RALYL: variants seen among roughly 807,000 people sequenced by gnomAD.
The protein encoded by RALYL is RALY RNA binding protein like.
RALYL carries 29 observed loss-of-function variants against 35.1 expected under a neutral mutation model. The observed-to-expected ratio is 0.83, with a 90% CI of 0.61 to 1.13. RALYL has a LOEUF of 1.13. Among genes scored for constraint, RALYL ranks in the 50% most tolerant of loss-of-function variants. The pLI is 0.00. For missense variants in RALYL, 359 were observed against 360.4 expected (o/e 1.00, Z 0.03); for synonymous variants, 120 against 127.6 (o/e 0.94, Z 0.40).
chr8:84,223,376 C>T (rs1474206472), intron 1 of RALYL, among the ~76,000 whole-genome samples: 3 of 152,060 alleles, frequency 2.0e-5, no homozygotes, highest in Non-Finnish European at 2.9e-5. Flanking sequence ...TCAGACTGAT[C>T]ACCTGGCATG....
chr8:84,839,976 A>G (rs575876505), intron 4 of RALYL, among the ~76,000 whole-genome samples: 7 of 152,322 alleles, frequency 4.6e-5, no homozygotes, highest in African/African-American at 1.7e-4. Flanking sequence ...GTACGTCACC[A>G]TCATCAAAGA....
intron 2 of RALYL, among the ~76,000 whole-genome samples, chr8:84,546,017 C>A (rs984925646): frequency 2.0e-5 from 3 of 152,050 alleles, no homozygotes; most frequent in Non-Finnish European, 4.4e-5. Context: ...CTAACATTTC[C>A]ACATTAAAAT....
At chr8:84,279,191 A>G (rs1836028204) in intron 1 of RALYL, among the ~76,000 whole-genome samples, 1 of 152,148 alleles carries the variant, frequency 6.6e-6, no homozygotes, top group African/African-American at 2.4e-5. Flanking sequence ...TACTACCACA[A>G]GAACAGTATG....
intron 1 of RALYL, among the ~76,000 whole-genome samples, chr8:84,341,779 A>G (rs919321457): frequency 2.6e-5 from 4 of 151,976 alleles, no homozygotes; most frequent in African/African-American, 9.7e-5. Flanking sequence ...AGCTGTAAAG[A>G]TAACCATTGT....
At chr8:84,508,250 C>G (rs758148818) in intron 1 of RALYL, among the ~76,000 whole-genome samples, 2 of 152,094 alleles carry the variant, frequency 1.3e-5, no homozygotes, top group African/African-American at 2.4e-5. Context: ...ACTCATCCCC[C>G]TCAAGTGCTT....
At chr8:84,383,612 G>A (rs1017048468) in intron 1 of RALYL, among the ~76,000 whole-genome samples, 10 of 151,692 alleles carry the variant, frequency 6.6e-5, no homozygotes, top group South Asian at 2.1e-4. Flanking sequence ...TGACTGTGAA[G>A]AAAAGATTGC....
At chr8:84,770,719 G>T (rs971395208) in intron 2 of RALYL, among the ~76,000 whole-genome samples, 8 of 152,016 alleles carry the variant, frequency 5.3e-5, no homozygotes, top group Middle Eastern at 6.8e-3. Context: ...ATTATTTTTT[G>T]ATTTTTTTAT....
chr8:84,720,671 G>A (rs1564430161), intron 2 of RALYL, among the ~76,000 whole-genome samples: 2 of 152,060 alleles, frequency 1.3e-5, no homozygotes, highest in Admixed American at 6.6e-5. Flanking sequence ...CTTCTGCACA[G>A]CAAAGGAAAC....
At chr8:84,755,998 T>G (rs1811308352) in intron 2 of RALYL, among the ~76,000 whole-genome samples, 1 of 152,026 alleles carries the variant, frequency 6.6e-6, no homozygotes, top group African/African-American at 2.4e-5. Context: ...TCCAAAAAGG[T>G]TTACAGAAAA....
At chr8:84,663,004 C>T (rs1420398412) in intron 2 of RALYL, among the ~76,000 whole-genome samples, 1 of 152,006 alleles carries the variant, frequency 6.6e-6, no homozygotes, top group Non-Finnish European at 1.5e-5. Flanking sequence ...CCTCAACAGG[C>T]TCAAGTGTGG....
chr8:84,590,353 T>C (rs144770448), intron 2 of RALYL, among the ~76,000 whole-genome samples: 11 of 152,316 alleles, frequency 7.2e-5, no homozygotes, highest in African/African-American at 2.6e-4. Flanking sequence ...AACCCTTCTA[T>C]AGTCACAAAG....
chr8:84,889,430 G>A (rs1843452933), intron 8 of RALYL, among the ~76,000 whole-genome samples: 1 of 152,050 alleles, frequency 6.6e-6, no homozygotes, highest in African/African-American at 2.4e-5. Context: ...TCCTTCTTCT[G>A]AGAAATTCTC....
chr8:84,651,701 G>A (rs1005338761), intron 2 of RALYL, among the ~76,000 whole-genome samples: 2 of 151,878 alleles, frequency 1.3e-5, no homozygotes, highest in East Asian at 1.9e-4. Context: ...TTCATAAAAC[G>A]TGTTATATGA....
intron 1 of RALYL, among the ~76,000 whole-genome samples, chr8:84,253,830 C>T (rs753251375): frequency 6.6e-6 from 1 of 152,084 alleles, no homozygotes; most frequent in Non-Finnish European, 1.5e-5. Context: ...CAGAAAAGCA[C>T]TCTCACAGTT....
intron 4 of RALYL, among the ~76,000 whole-genome samples, chr8:84,832,036 A>G (rs1335183010): frequency 6.6e-6 from 1 of 152,120 alleles, no homozygotes; most frequent in Non-Finnish European, 1.5e-5. Flanking sequence ...GTATAAAAAG[A>G]TTTGCTAAAA....
intron 1 of RALYL, among the ~76,000 whole-genome samples, chr8:84,422,190 G>T (rs1006834797): frequency 4.9e-5 from 6 of 123,228 alleles, no homozygotes; most frequent in Non-Finnish European, 8.3e-5. Context: ...GACTCTTTTT[G>T]GTTGGTAAAC....
At chr8:84,387,632 T>C (rs1859526989) in intron 1 of RALYL, among the ~76,000 whole-genome samples, 1 of 151,522 alleles carries the variant, frequency 6.6e-6, no homozygotes, top group South Asian at 2.1e-4. Flanking sequence ...GTGTAAACTA[T>C]TCAGAGAACC....
At chr8:84,524,780 G>C (rs989074217) in intron 1 of RALYL, among the ~76,000 whole-genome samples, 1 of 151,946 alleles carries the variant, frequency 6.6e-6, no homozygotes, top group Non-Finnish European at 1.5e-5. Context: ...ACCTCAGCCT[G>C]ATATTTCCGG....
At chr8:84,810,916 G>T (rs551846123) in intron 4 of RALYL, among the ~76,000 whole-genome samples, 11 of 152,220 alleles carry the variant, frequency 7.2e-5, no homozygotes, top group African/African-American at 2.6e-4. Flanking sequence ...AGGCAGCAGA[G>T]AGTTGATTGG....
Sources: gnomAD v4.1 joint callset for allele counts (sites outside exome capture counted in the v4.1 genomes callset) on GRCh38, gnomAD v4.1.1 for gene constraint, MANE v1.5 for transcripts, NCBI Gene and HGNC (gene_info 2026-07-23, HGNC 2026-07-21) for gene names.